Variants in SLC24A2 observed in about 807,000 individuals in gnomAD.
SLC24A2 encodes solute carrier family 24 member 2.
In SLC24A2, 36 loss-of-function variants were observed where a neutral mutation model predicts 62.0. The ratio of observed to expected loss-of-function variants is 0.58; its 90% CI spans 0.44 to 0.77. SLC24A2 has a LOEUF of 0.77. SLC24A2 is among the 30% of genes least tolerant of loss of function. SLC24A2 has a pLI of 0.00. For synonymous variants in SLC24A2, 358 were observed against 294.0 expected (o/e 1.22, Z -2.23); for missense variants, 846 against 817.9 (o/e 1.03, Z -0.42).
the SLC24A2 span, among the ~76,000 whole-genome samples, chr9:20,137,473 A>C: frequency 1.3e-5 from 2 of 152,152 alleles, no homozygotes; most frequent in Non-Finnish European, 2.9e-5. Flanking sequence ...GTCACATCAA[A>C]TCTTTATAGT....
At chr9:20,164,602 A>G in the SLC24A2 span, among the ~76,000 whole-genome samples, 665 of 151,410 alleles carry the variant, frequency 4.4e-3, 4 homozygotes, top group South Asian at 0.011. Context: ...TAGAACTAGA[A>G]ATACCATTTG....
At chr9:20,022,561 C>A in the SLC24A2 span, among the ~76,000 whole-genome samples, 571 of 152,284 alleles carry the variant, frequency 3.7e-3, 3 homozygotes, top group Non-Finnish European at 4.4e-3. Context: ...GAAGTCCATG[C>A]AGTGTTGTCC....
chr9:19,878,883 C>A, the SLC24A2 span, among the ~76,000 whole-genome samples: 5 of 152,104 alleles, frequency 3.3e-5, no homozygotes, highest in Non-Finnish European at 7.4e-5. Flanking sequence ...CCCCTTCTCC[C>A]CCAGAAAACC....
intron 8 of SLC24A2, among the ~76,000 whole-genome samples, chr9:19,544,692 T>C (rs900829242): frequency 6.6e-6 from 1 of 152,198 alleles, no homozygotes; most frequent in East Asian, 1.9e-4. Context: ...CTTACGAAAC[T>C]GAGTTTGCCT....
the SLC24A2 span, among the ~76,000 whole-genome samples, chr9:19,891,839 T>A: frequency 2.0e-5 from 3 of 152,184 alleles, no homozygotes; most frequent in Admixed American, 1.3e-4. Flanking sequence ...AGGATGGCAC[T>A]AAACCATGCA....
the SLC24A2 span, among the ~76,000 whole-genome samples, chr9:19,945,877 C>T: frequency 2.6e-5 from 4 of 152,266 alleles, no homozygotes; most frequent in Middle Eastern, 3.4e-3. Context: ...CCATCTTTTC[C>T]AAAGGAGGCT....
the SLC24A2 span, among the ~76,000 whole-genome samples, chr9:20,042,743 C>T: frequency 6.6e-6 from 1 of 152,070 alleles, no homozygotes; most frequent in African/African-American, 2.4e-5. Context: ...GCCATTTTTC[C>T]AACAGCATGT....
intron 8 of SLC24A2, among the ~76,000 whole-genome samples, chr9:19,530,800 G>A (rs1456328359): frequency 6.6e-6 from 1 of 152,090 alleles, no homozygotes; most frequent in Non-Finnish European, 1.5e-5. Flanking sequence ...TATTCTTTGT[G>A]AATTTTCAGT....
upstream of SLC24A2, among the ~76,000 whole-genome samples, chr9:19,792,536 C>CAAAAAAAA (rs1165695410): frequency 0.03 from 2,197 of 74,316 alleles, no homozygotes; most frequent in Non-Finnish European, 0.042. Flanking sequence ...ACTAAAAATA[C>CAAAAAAAA]AAAAAAAAAA....
At chr9:20,274,832 T>C in the SLC24A2 span, among the ~76,000 whole-genome samples, 2 of 151,882 alleles carry the variant, frequency 1.3e-5, no homozygotes, top group Admixed American at 6.6e-5. Flanking sequence ...CTCTCTGCAC[T>C]GTGGGATGAG....
intron 2 of SLC24A2, among the ~76,000 whole-genome samples, chr9:19,719,104 C>G (rs1032155461): frequency 6.6e-6 from 1 of 152,160 alleles, no homozygotes; most frequent in African/African-American, 2.4e-5. Flanking sequence ...GAGGAATCTT[C>G]CTTCTGGGTA....
chr9:20,158,382 G>C, the SLC24A2 span, among the ~76,000 whole-genome samples: 1 of 151,594 alleles, frequency 6.6e-6, no homozygotes, highest in Admixed American at 6.6e-5. Flanking sequence ...AGGTCAGGAG[G>C]GGTCCACCCC....
chr9:19,755,049 G>A (rs528716392), intron 2 of SLC24A2, among the ~76,000 whole-genome samples: 4 of 152,136 alleles, frequency 2.6e-5, no homozygotes. Context: ...AAGACTGAAA[G>A]ATGAAAGGCA....
At chr9:20,229,600 A>C in the SLC24A2 span, among the ~76,000 whole-genome samples, 2 of 152,236 alleles carry the variant, frequency 1.3e-5, no homozygotes, top group South Asian at 2.1e-4. Context: ...ACATTTGTCA[A>C]CTTTTCCTTT....
chr9:19,963,573 C>T, the SLC24A2 span, among the ~76,000 whole-genome samples: 1 of 152,206 alleles, frequency 6.6e-6, no homozygotes, highest in Non-Finnish European at 1.5e-5. Context: ...TGAACAGACA[C>T]TTCTCAAAAG....
chr9:19,568,049 G>A (rs942373513), intron 7 of SLC24A2, among the ~76,000 whole-genome samples: 2 of 152,156 alleles, frequency 1.3e-5, no homozygotes, highest in African/African-American at 2.4e-5. Flanking sequence ...ATAACAGTGT[G>A]GTGTATGGGG....
chr9:19,597,412 T>C, intron 4 of SLC24A2, 133 bp from the exon 5 acceptor site: 1 of 712,546 alleles, frequency 1.4e-6, no homozygotes, highest in East Asian at 2.6e-5. Context: ...TATGGAGATG[T>C]GCAAACATGG....
intron 2 of SLC24A2, among the ~76,000 whole-genome samples, chr9:19,701,007 T>C (rs1170718417): frequency 2.0e-5 from 3 of 152,330 alleles, no homozygotes; most frequent in South Asian, 4.2e-4. Context: ...TACCCAAACT[T>C]AAAAATTCAA....
chr9:19,510,201 T>C lies in SLC24A2; in HGVS notation c.*5952A>G, dbSNP rs1832664959. ...ATGGTCATGCTGCACCCAGTATAGT[T>C]CAACACTGTTCAGACAGTGATTATC... On this transcript the variant is annotated 3_prime_UTR_variant, in exon 11 of 11. Coordinates refer to ENST00000341998, the MANE Select transcript of SLC24A2 (RefSeq NM_020344.4). The C allele has an allele frequency of 6.6e-6, 1 of 151,996 alleles. No individual in the cohort carries two copies. The highest frequency in any genetic ancestry group is 2.4e-5 in the African/African-American group (1 of 41,368). The allele number at this position is 151,996 out of a possible 1,614,324, so 9.4% of individuals were successfully genotyped here.
Sources: gnomAD v4.1 joint callset for allele counts (sites outside exome capture counted in the v4.1 genomes callset) on GRCh38, gnomAD v4.1.1 for gene constraint, MANE v1.5 for transcripts, NCBI Gene and HGNC (gene_info 2026-07-23, HGNC 2026-07-21) for gene names.